GDPD4: variants seen among roughly 807,000 people sequenced by gnomAD.
GDPD4 encodes glycerophosphodiester phosphodiesterase 6.
Under a neutral mutation model 67.8 loss-of-function variants are expected in GDPD4, and 60 were observed. The ratio of observed to expected loss-of-function variants is 0.88; its 90% CI spans 0.72 to 1.10. The LOEUF is 1.10. Among genes scored for constraint, GDPD4 ranks in the 50% least tolerant of loss-of-function variants. GDPD4 has a pLI of 0.00. For missense variants in GDPD4, 623 were observed against 613.9 expected, an observed-to-expected ratio of 1.01 and a Z score of -0.16; for synonymous variants, 212 against 210.9, an observed-to-expected ratio of 1.00 and a Z score of -0.04.
chr11:77,253,191 C>G (rs1030663216), intron 11 of GDPD4, among the ~76,000 whole-genome samples: 2 of 152,166 alleles, frequency 1.3e-5, no homozygotes, highest in Non-Finnish European at 2.9e-5. Context: ...AGGCAGGGAA[C>G]AGCCCTGGAC....
At chr11:77,280,082 C>T (rs1959689984) in intron 3 of GDPD4, among the ~76,000 whole-genome samples, 2 of 152,072 alleles carry the variant, frequency 1.3e-5, no homozygotes, top group African/African-American at 4.8e-5. Context: ...TGGACAAGAG[C>T]TGTGAGATAA....
At chr11:77,233,245 C>A in intron 13 of GDPD4, 73 bp from the exon 14 acceptor site, 1 of 1,466,264 alleles carries the variant, frequency 6.8e-7, no homozygotes, top group Non-Finnish European at 9.5e-7. Context: ...AGAACAGCCA[C>A]CATGTTTGTG....
chr11:77,236,093 G>GA (rs1160336266), intron 13 of GDPD4, among the ~76,000 whole-genome samples: 3 of 150,842 alleles, frequency 2.0e-5, no homozygotes, highest in Non-Finnish European at 3.0e-5. Context: ...AGGACAAATA[G>GA]AAAAAAAATA....
At position 77,262,295 on chromosome 11, in the gene GDPD4, C is replaced by T. The variant is rs111876018; in HGVS notation, c.708-3753G>A. ...ATCCTAATTATGGTACCCTTGACCC[C>T]TGTCAGCAGGAAATCAGCCAAAGCA... On this transcript the variant is annotated intron_variant, in intron 10 of 16. Coordinates refer to ENST00000315938, the MANE Select transcript of GDPD4 (RefSeq NM_182833.3). 3.4e-3 allele frequency among the ~76,000 whole-genome samples: 520 copies of T among 152,278 alleles called. 1 individual carries two copies. Among genetic ancestry groups the T allele is most frequent in the African/African-American group, 0.012 (484 of 41,566 alleles).
At chr11:77,271,815 C>T (rs1055803809) in intron 5 of GDPD4, among the ~76,000 whole-genome samples, 3 of 152,164 alleles carry the variant, frequency 2.0e-5, no homozygotes, top group African/African-American at 7.2e-5. Context: ...TTTCAACGTC[C>T]GTTTTCCCCA....
At chr11:77,248,070 AAG>A (rs1282818351) in intron 11 of GDPD4, among the ~76,000 whole-genome samples, 67 of 150,978 alleles carry the variant, frequency 4.4e-4, no homozygotes, top group African/African-American at 1.5e-3. Context: ...AAAAAAAAAA[AAG>A]AAAAGAAAGA....
intron 16 of GDPD4, among the ~76,000 whole-genome samples, chr11:77,225,835 C>T (rs1378251140): frequency 6.6e-6 from 1 of 152,166 alleles, no homozygotes; most frequent in Non-Finnish European, 1.5e-5. Context: ...AGGCTCCATT[C>T]TCCTCAACTT....
rs562373176 is a variant in GDPD4, at chr11:77,258,685, A to C, written c.708-143T>G. The C allele has an allele frequency of 4.7e-4, 315 of 676,664 alleles. 4 individuals are homozygous for C. In the South Asian group the frequency reaches 5.7e-3, roughly 12 times the overall value. 41.9% of individuals were successfully genotyped at this position (676,664 alleles called of 1,614,324 possible). A position where few individuals can be genotyped will look rare whatever the true frequency, so the allele number is the denominator to read the frequency against. ...CTCTCAAATCTTAGAAAAGGGCTAC[A>C]TATCAGTCATTTACACTTTGATGTC... On this transcript the variant is annotated intron_variant, in intron 10 of 16. Transcript: ENST00000315938.
chr11:77,285,204 G>A lies in GDPD4; in HGVS notation c.-50-17C>T. ...TTGCTCTTTCTGGGAAAAGAAAAAA[G>A]AAATCTAACTTAGCTCCATTTATCC... On this transcript the variant is annotated splice_polypyrimidine_tract_variant and intron_variant, in intron 2 of 16. Transcript: ENST00000315938. 3 of 1,274,524 alleles carry A rather than the reference G, an allele frequency of 2.4e-6. No homozygotes were observed. The South Asian group carries it at 3.7e-5, about 16-fold the overall frequency. 79.0% of individuals were successfully genotyped at this position (1,274,524 alleles called of 1,614,324 possible).
intron 11 of GDPD4, among the ~76,000 whole-genome samples, chr11:77,248,353 C>T (rs146280875): frequency 1.5e-4 from 23 of 151,876 alleles, no homozygotes; most frequent in Non-Finnish European, 2.8e-4. Context: ...CAGGCATGCA[C>T]GATGACGCCC....
chr11:77,272,116 C>G (rs113208353), intron 5 of GDPD4, among the ~76,000 whole-genome samples: 2 of 152,192 alleles, frequency 1.3e-5, no homozygotes, highest in African/African-American at 2.4e-5. Context: ...TCTAAAATAA[C>G]TGAATCCATA....
intron 1 of GDPD4, among the ~76,000 whole-genome samples, chr11:77,293,206 G>A (rs922509634): frequency 3.3e-5 from 5 of 152,118 alleles, no homozygotes; most frequent in East Asian, 1.9e-4. Flanking sequence ...TATCCCTTAC[G>A]AATCCAAATG....
chr11:77,232,965 T>C, intron 14 of GDPD4, 60 bp downstream of exon 14: 1 of 1,546,108 alleles, frequency 6.5e-7, no homozygotes. Context: ...AACACAGGGC[T>C]GGGGGGCCTG....
At chr11:77,284,568 G>A (rs1174998832) in intron 3 of GDPD4, among the ~76,000 whole-genome samples, 1 of 152,170 alleles carries the variant, frequency 6.6e-6, no homozygotes, top group Non-Finnish European at 1.5e-5. Flanking sequence ...CATCAAGCCA[G>A]AAAAGGGCTG....
At chr11:77,273,347 G>A (rs1431186753) in intron 5 of GDPD4, among the ~76,000 whole-genome samples, 6 of 152,122 alleles carry the variant, frequency 3.9e-5, no homozygotes, top group African/African-American at 1.4e-4. Flanking sequence ...GATAAGCCTG[G>A]TCCTTCCTGG....
At chr11:77,285,467 A>G (rs969654909) in intron 2 of GDPD4, among the ~76,000 whole-genome samples, 2 of 152,226 alleles carry the variant, frequency 1.3e-5, no homozygotes, top group African/African-American at 4.8e-5. Context: ...AATACATAGC[A>G]TTGTTTCTTG....
At chr11:77,244,321 C>G (rs1300470111) in intron 12 of GDPD4, among the ~76,000 whole-genome samples, 2 of 152,136 alleles carry the variant, frequency 1.3e-5, no homozygotes, top group East Asian at 3.9e-4. Context: ...CGTGAGCCAC[C>G]GCGCCCAGCC....
chr11:77,253,956 C>T (rs1958954610), intron 11 of GDPD4, among the ~76,000 whole-genome samples: 1 of 152,132 alleles, frequency 6.6e-6, no homozygotes, highest in African/African-American at 2.4e-5. Context: ...CTTGGCTCCA[C>T]AGAGAAAGGT....
intron 1 of GDPD4, among the ~76,000 whole-genome samples, chr11:77,300,667 T>C (rs1189733367): frequency 6.6e-6 from 1 of 152,196 alleles, no homozygotes; most frequent in African/African-American, 2.4e-5. Context: ...GGACATGGAA[T>C]ATTTATCAAA....
Sources: gnomAD v4.1 joint callset for allele counts (sites outside exome capture counted in the v4.1 genomes callset) on GRCh38, gnomAD v4.1.1 for gene constraint, MANE v1.5 for transcripts, NCBI Gene and HGNC (gene_info 2026-07-23, HGNC 2026-07-21) for gene names.